Variants in CPA5 observed in about 807,000 individuals in gnomAD.
CPA5 encodes carboxypeptidase A5, also known as testicular tissue protein Li 32.
Under a neutral mutation model 52.2 loss-of-function variants are expected in CPA5, and 38 were observed. The ratio of observed to expected loss-of-function variants is 0.73; its 90% CI spans 0.56 to 0.95. CPA5 has a LOEUF of 0.95. CPA5 is among the 40% of genes least tolerant of loss of function. The pLI is 0.00. For synonymous variants in CPA5, 198 were observed against 213.7 expected, an observed-to-expected ratio of 0.93 and a Z score of 0.64; for missense variants, 519 against 566.7, an observed-to-expected ratio of 0.92 and a Z score of 0.86.
intron 5 of CPA5, among the ~76,000 whole-genome samples, chr7:130,356,165 T>C (rs1584808157): frequency 9.5e-6 from 1 of 105,202 alleles, no homozygotes; most frequent in South Asian, 2.8e-4. Flanking sequence ...CCATTTTGCA[T>C]CTGTGGCTGG....
chr7:130,372,135 C>T (rs1404283296), downstream of CPA5, among the ~76,000 whole-genome samples: 3 of 152,226 alleles, frequency 2.0e-5, no homozygotes, highest in African/African-American at 7.2e-5. Flanking sequence ...TTTTCCAGAA[C>T]TTCATTTATT....
At chr7:130,365,886 A>G (rs1477634116) in intron 10 of CPA5, among the ~76,000 whole-genome samples, 2 of 152,212 alleles carry the variant, frequency 1.3e-5, no homozygotes, top group African/African-American at 4.8e-5. Flanking sequence ...GACATAACAA[A>G]CAAGGCCACT....
chr7:130,369,636 C>T (rs539709284), downstream of CPA5, among the ~76,000 whole-genome samples: 45 of 151,230 alleles, frequency 3.0e-4, no homozygotes, highest in East Asian at 5.8e-4. Flanking sequence ...TGTGTGTGTG[C>T]GTGTGTGTGT....
chr7:130,364,799 T>G (rs1268307161), intron 10 of CPA5, among the ~76,000 whole-genome samples: 1 of 152,210 alleles, frequency 6.6e-6, no homozygotes, highest in Non-Finnish European at 1.5e-5. Context: ...ATTATCTCCC[T>G]AACCATGCAA....
chr7:130,365,795 A>G (rs1796047384), intron 10 of CPA5, among the ~76,000 whole-genome samples: 1 of 152,252 alleles, frequency 6.6e-6, no homozygotes, highest in South Asian at 2.1e-4. Context: ...AAGGCAGACA[A>G]AGCCTTCAAC....
At chr7:130,363,037 G>C in intron 9 of CPA5, 43 bp downstream of exon 9, 2 of 1,210,838 alleles carry the variant, frequency 1.7e-6, no homozygotes, top group Non-Finnish European at 1.2e-6. Context: ...GTCAGCTCTA[G>C]GGGGATGGAG....
intron 6 of CPA5, among the ~76,000 whole-genome samples, chr7:130,360,091 A>C (rs1312025357): frequency 1.3e-5 from 2 of 152,200 alleles, no homozygotes; most frequent in South Asian, 2.1e-4. Flanking sequence ...AAACTGCCTA[A>C]ATCCAGTCCT....
chr7:130,361,148 T>C lies in CPA5; in HGVS notation c.438T>C (p.Tyr146=). 1 of 1,609,498 alleles carries C rather than the reference T, an allele frequency of 6.2e-7. No individual in the cohort carries two copies. The highest frequency in any genetic ancestry group is 8.5e-7 in the Non-Finnish European group (1 of 1,175,748). ...ACACACTTCTTTCCTTTCAGATATA[T>C]AGCTGGATTGACAACTTTGTAATGG... is the stretch of plus-strand genomic sequence containing the variant. ...YSSYHTLEEI[Y]SWIDNFVMEH... is the part of the protein sequence containing the mutation. Residue 146 remains tyrosine, a synonymous_variant, in exon 7 of 13, where the codon TAT becomes TAC. Coordinates refer to ENST00000474905, the MANE Select transcript of CPA5 (RefSeq NM_080385.5).
At chr7:130,352,751 T>C (rs1412615625) in intron 5 of CPA5, among the ~76,000 whole-genome samples, 7 of 152,080 alleles carry the variant, frequency 4.6e-5, no homozygotes, top group African/African-American at 7.2e-5. Flanking sequence ...GTGAGGAAAT[T>C]GCAGTGGGCC....
intron 7 of CPA5, among the ~76,000 whole-genome samples, chr7:130,361,950 C>T (rs2117417312): frequency 6.6e-6 from 1 of 152,348 alleles, no homozygotes; most frequent in Non-Finnish European, 1.5e-5. Flanking sequence ...TTTGACTTAA[C>T]CTGTCCCTGC....
At chr7:130,369,571 A>G (rs1554409648), downstream of CPA5, among the ~76,000 whole-genome samples, 3 of 152,262 alleles carry the variant, frequency 2.0e-5, no homozygotes, top group Admixed American at 1.3e-4. Flanking sequence ...TGAGGCAGAA[A>G]CATTAGTCGT....
chr7:130,358,531 G>A (rs1795618978), intron 5 of CPA5, among the ~76,000 whole-genome samples: 1 of 152,152 alleles, frequency 6.6e-6, no homozygotes, highest in Non-Finnish European at 1.5e-5. Flanking sequence ...AAGAAGCTTG[G>A]TCAACTAAGG....
chr7:130,355,335 T>C (rs1245297595), intron 5 of CPA5, among the ~76,000 whole-genome samples: 2 of 152,214 alleles, frequency 1.3e-5, no homozygotes, highest in Middle Eastern at 6.3e-3. Flanking sequence ...ATTTACTACA[T>C]GCCTGGCAAA....
At chr7:130,357,481 G>A (rs1179712812) in intron 5 of CPA5, among the ~76,000 whole-genome samples, 2 of 152,142 alleles carry the variant, frequency 1.3e-5, no homozygotes, top group African/African-American at 4.8e-5. Context: ...AAATTAGCCA[G>A]GCGTGGTGGT....
At chr7:130,346,628 G>A (rs371314635) in intron 3 of CPA5, 27 bp downstream of exon 3, 20 of 1,586,368 alleles carry the variant, frequency 1.3e-5, no homozygotes, top group Admixed American at 1.7e-5. Context: ...CAGTGGGAGG[G>A]AGGACTGGCT....
intron 3 of CPA5, among the ~76,000 whole-genome samples, chr7:130,347,249 A>T (rs1794817679): frequency 6.6e-6 from 1 of 152,142 alleles, no homozygotes; most frequent in Non-Finnish European, 1.5e-5. Context: ...ACTCACCTCC[A>T]TCGGGAAGGA....
rs782445881 is a variant in CPA5 at position 130,362,999 on chromosome 7, G to A, written c.747+5G>A. ...TTTGCTTTTACCCACAGCATGGTGA[G>A]GGAACCTGGGAAGGATGGAAGGAGG... On this transcript the variant is annotated splice_donor_5th_base_variant and intron_variant, in intron 9 of 12. Transcript: ENST00000474905. 11 of 1,558,532 alleles carry A rather than the reference G, an allele frequency of 7.1e-6. No individual in the cohort carries two copies. The highest frequency in any genetic ancestry group is 8.9e-6 in the Non-Finnish European group (10 of 1,129,722).
In CPA5 at chr7:130,366,165, C is replaced by T. The variant is rs1354282206; in HGVS notation, c.839-1207C>T. Among the ~76,000 whole-genome samples the T allele has an allele frequency of 2.6e-5, 4 of 152,214 alleles. No individual in the cohort carries two copies. The East Asian group carries it at 7.7e-4, about 29-fold the overall frequency. Reference sequence around the variant, plus strand: ...ATCCCTCCCACCCGTGCCTGGCCTCCTGTGCATTCTTGGGGAGGACCTGTG... The same window carrying T: ...ATCCCTCCCACCCGTGCCTGGCCTCTTGTGCATTCTTGGGGAGGACCTGTG... On this transcript the variant is annotated intron_variant, in intron 10 of 12. Coordinates refer to ENST00000474905, the MANE Select transcript of CPA5 (RefSeq NM_080385.5).
intron 5 of CPA5, among the ~76,000 whole-genome samples, chr7:130,359,312 C>T (rs782332053): frequency 6.6e-6 from 1 of 152,232 alleles, no homozygotes; most frequent in Non-Finnish European, 1.5e-5. Flanking sequence ...CAGTAAATTC[C>T]ACAGCCAGTT....
Sources: allele counts gnomAD v4.1 joint callset (sites outside exome capture counted in the v4.1 genomes callset), GRCh38; gene constraint gnomAD v4.1.1; transcripts MANE v1.5; gene names NCBI Gene and HGNC (gene_info 2026-07-23, HGNC 2026-07-21).